Variants in SART3 observed in about 807,000 individuals in gnomAD.
SART3 encodes HIV-1 Tat-interacting protein of 110kDa.
Under a neutral mutation model 122.3 loss-of-function variants are expected in SART3, and 44 were observed. The observed-to-expected ratio is 0.36, with a 90% CI of 0.28 to 0.46. The LOEUF (loss-of-function observed/expected upper bound fraction) is 0.46, where lower values mean the gene tolerates loss of function less well. SART3 is among the 20% of genes least tolerant of loss of function. SART3 has a pLI of 1.00. For missense variants in SART3, 1,101 were observed against 1,229.0 expected, an observed-to-expected ratio of 0.90 and a Z score of 1.56; for synonymous variants, 442 against 454.0, an observed-to-expected ratio of 0.97 and a Z score of 0.34.
intron 6 of SART3, 137 bp from the exon 7 acceptor site, chr12:108,539,226 T>C: frequency 1.2e-6 from 1 of 831,106 alleles, no homozygotes; most frequent in Non-Finnish European, 2.0e-6. Flanking sequence ...CACTCCACTA[T>C]GGCCTCTACA....
At chr12:108,534,681 G>A (rs1872829698) in intron 12 of SART3, among the ~76,000 whole-genome samples, 1 of 151,802 alleles carries the variant, frequency 6.6e-6, no homozygotes, top group African/African-American at 2.4e-5. Context: ...CACCTCCCCC[G>A]AAAAAAGAAA....
intron 5 of SART3, among the ~76,000 whole-genome samples, chr12:108,543,647 G>A (rs1873269324): frequency 6.6e-6 from 1 of 152,206 alleles, no homozygotes; most frequent in Admixed American, 6.5e-5. Flanking sequence ...AGCCGGCTCA[G>A]CTCTAGTGTT....
At chr12:108,556,406 T>C (rs996559759) in intron 1 of SART3, among the ~76,000 whole-genome samples, 7 of 152,218 alleles carry the variant, frequency 4.6e-5, no homozygotes, top group Non-Finnish European at 8.8e-5. Flanking sequence ...TGAGAAACTC[T>C]TGTACATGAT....
At position 108,526,439 on chromosome 12, in the gene SART3, G is replaced by C. The variant is rs776801726; in HGVS notation, c.2030C>G (p.Pro677Arg). The C allele has an allele frequency of 6.2e-7, 1 of 1,614,142 alleles. No individual in the cohort carries two copies. Among genetic ancestry groups the C allele is most frequent in the Non-Finnish European group, 8.5e-7 (1 of 1,180,026 alleles). ...AGKCAAVDVE[P>R]PSKQKEKAAS... Reference sequence around the variant, plus strand: ...TGCCTTCTCCTTCTGCTTCGAAGGGGGCTCCACATCTACGGCAGCACATTT... The same window carrying C: ...TGCCTTCTCCTTCTGCTTCGAAGGGCGCTCCACATCTACGGCAGCACATTT... Residue 677 changes from proline to arginine, a missense_variant, in exon 16 of 19, where the codon CCC becomes CGC. This residue lies in a region of SART3 where 885 missense variants were observed against 1,080.1 expected (regional missense o/e 0.82). Transcript: ENST00000546815.
chr12:108,548,172 T>C (rs977277246), intron 2 of SART3, among the ~76,000 whole-genome samples, 181 bp from the exon 3 acceptor site: 3 of 152,230 alleles, frequency 2.0e-5, no homozygotes, highest in African/African-American at 7.2e-5. Context: ...CCAAATAAGA[T>C]CAAATCACTA....
chr12:108,533,273 G>A (rs1247625332), intron 12 of SART3, among the ~76,000 whole-genome samples: 1 of 150,822 alleles, frequency 6.6e-6, no homozygotes, highest in Non-Finnish European at 1.5e-5. Context: ...CAGTGCACAA[G>A]TAATGGTGGC....
chr12:108,536,676 C>T, intron 10 of SART3, 32 bp downstream of exon 10: 2 of 1,612,638 alleles, frequency 1.2e-6, no homozygotes, highest in Non-Finnish European at 1.7e-6. Context: ...GGAAATACAA[C>T]TGGGCAAAAC....
At chr12:108,555,026 C>A (rs1196085752) in intron 1 of SART3, among the ~76,000 whole-genome samples, 2 of 151,992 alleles carry the variant, frequency 1.3e-5, no homozygotes, top group Non-Finnish European at 2.9e-5. Context: ...TTCATAGAGA[C>A]AGAAAACTAC....
At chr12:108,530,857 CAA>C (rs201818399) in intron 14 of SART3, among the ~76,000 whole-genome samples, 6 of 140,772 alleles carry the variant, frequency 4.3e-5, no homozygotes, top group East Asian at 2.0e-4. Flanking sequence ...GACTCCGTCT[CAA>C]AAAAAAAAAA....
chr12:108,529,110 G>A (rs1353620447), intron 15 of SART3, among the ~76,000 whole-genome samples: 2 of 152,174 alleles, frequency 1.3e-5, no homozygotes, highest in Admixed American at 6.5e-5. Context: ...GCAACAAAGC[G>A]AGACTCTGTC....
chr12:108,524,999 G>A (rs900943981), intron 17 of SART3: 2 of 286,320 alleles, frequency 7.0e-6, no homozygotes, highest in Non-Finnish European at 1.3e-5. Flanking sequence ...TACTCAAAAT[G>A]GGGCACAAAA....
intron 17 of SART3, 64 bp downstream of exon 17, chr12:108,525,393 A>G (rs1419734461): frequency 4.5e-6 from 7 of 1,572,852 alleles, no homozygotes; most frequent in Non-Finnish European, 6.1e-6. Context: ...TCATCTTTGA[A>G]CCGATACAGA....
At chr12:108,524,136 T>C (rs554602989) in intron 18 of SART3, 180 bp downstream of exon 18, 148 of 671,314 alleles carry the variant, frequency 2.2e-4, no homozygotes, top group Non-Finnish European at 3.5e-4. Flanking sequence ...CTGCCTAGGC[T>C]TGCATCCTGC....
chr12:108,534,571 T>G (rs1029905634), intron 12 of SART3, among the ~76,000 whole-genome samples: 2 of 151,406 alleles, frequency 1.3e-5, no homozygotes, highest in Non-Finnish European at 1.5e-5. Context: ...TCCCAGCTAC[T>G]CAAGAGGCTG....
intron 15 of SART3, 95 bp from the exon 16 acceptor site, chr12:108,526,648 G>C (rs1021397167): frequency 3.8e-6 from 5 of 1,305,654 alleles, no homozygotes; most frequent in Non-Finnish European, 4.4e-6. Context: ...TGTGACAGCT[G>C]CATGTGACAC....
intron 6 of SART3, among the ~76,000 whole-genome samples, chr12:108,540,807 T>G (rs1020135797): frequency 6.6e-6 from 1 of 152,076 alleles, no homozygotes; most frequent in African/African-American, 2.4e-5. Context: ...AATGGACAGC[T>G]AATCTATGAC....
chr12:108,538,944 C>T lies in SART3; in HGVS notation c.1052G>A (p.Ser351Asn). 6.2e-7 allele frequency: 1 copy of T among 1,614,162 alleles called. No individual in the cohort carries two copies. Among genetic ancestry groups the T allele is most frequent in the Non-Finnish European group, 8.5e-7 (1 of 1,180,018 alleles). ...GAACAGTGATCTTACTAGGTACTGA[C>T]TGTAACGGATCCATAAGTCTGGGAC... The part of the protein sequence containing the change: ...CLVPDLWIRY[S>N]QYLDRQLKVK... The change falls in exon 7 of 19, where the codon AGT becomes AAT. Residue 351 changes from serine to asparagine, a missense_variant. This residue lies in a region of SART3 where 885 missense variants were observed against 1,080.1 expected (regional missense o/e 0.82). Transcript: ENST00000546815.
chr12:108,538,906 T>A (rs965315700), intron 7 of SART3, 28 bp downstream of exon 7: 8 of 1,613,938 alleles, frequency 5.0e-6, no homozygotes, highest in Non-Finnish European at 6.8e-6. Context: ...TTGGCAAAAA[T>A]AAAATGAAAT....
At position 108,541,689 on chromosome 12, in the gene SART3, C is replaced by T. The variant is rs1382679704; in HGVS notation, c.906+1339G>A. On this transcript the variant is annotated intron_variant, in intron 6 of 18. Coordinates refer to ENST00000546815, the MANE Select transcript of SART3 (RefSeq NM_014706.4). The stretch of plus-strand genomic sequence containing the variant: ...AAACAGCTGGGATTACAGGCGCCCG[C>T]CACCATGCCCAGCTAATTTTTTGTA... Among the ~76,000 whole-genome samples, 4 of 152,000 alleles carry T rather than the reference C, an allele frequency of 2.6e-5. No individual in the cohort carries two copies. The East Asian group carries it at 7.8e-4, about 30-fold the overall frequency.
Sources: gnomAD v4.1 joint callset for allele counts (sites outside exome capture counted in the v4.1 genomes callset) on GRCh38, gnomAD v4.1.1 for gene constraint, gnomAD v4.1.1 regional missense constraint, MANE v1.5 for transcripts, NCBI Gene and HGNC (gene_info 2026-07-23, HGNC 2026-07-21) for gene names.